The following MUSK variants were observed in gnomAD, a reference collection of about 807,000 sequenced individuals.
MUSK encodes muscle, skeletal receptor tyrosine-protein kinase.
MUSK carries 55 observed loss-of-function variants against 88.7 expected under a neutral mutation model. That is an observed-to-expected ratio of 0.62 (90% CI 0.50 to 0.78). The LOEUF (loss-of-function observed/expected upper bound fraction) is 0.78, where lower values mean the gene tolerates loss of function less well. Ranked by LOEUF, MUSK falls within the 30% of genes least tolerant of loss-of-function variation. MUSK has a pLI of 0.00. For missense variants in MUSK, 1,015 were observed against 1,074.3 expected, an observed-to-expected ratio of 0.94 and a Z score of 0.77; for synonymous variants, 387 against 391.9, an observed-to-expected ratio of 0.99 and a Z score of 0.15.
At chr9:110,786,788 T>G (rs567852506) in intron 13 of MUSK, among the ~76,000 whole-genome samples, 1 of 152,206 alleles carries the variant, frequency 6.6e-6, no homozygotes, top group South Asian at 2.1e-4. Context: ...CCCTTTCTGC[T>G]GCATGGATAT....
chr9:110,689,949 A>T (rs1325130209), intron 3 of MUSK, among the ~76,000 whole-genome samples: 1 of 90,396 alleles, frequency 1.1e-5, no homozygotes, highest in Admixed American at 1.9e-4. Context: ...TATATATTTA[A>T]ATATAAATAT....
intron 3 of MUSK, among the ~76,000 whole-genome samples, chr9:110,689,934 A>AC (rs2076292106): frequency 1.1e-5 from 1 of 95,038 alleles, no homozygotes; most frequent in Non-Finnish European, 1.8e-5. Flanking sequence ...AATATAATAT[A>AC]TAAATATATA....
chr9:110,788,702 A>AC (rs2077918917), intron 14 of MUSK, among the ~76,000 whole-genome samples: 4 of 81,152 alleles, frequency 4.9e-5, no homozygotes, highest in Admixed American at 2.3e-4. Flanking sequence ...GAGACAGATA[A>AC]TAAAAAAAAA....
chr9:110,756,753 C>T (rs1234990187), intron 7 of MUSK, among the ~76,000 whole-genome samples: 2 of 152,082 alleles, frequency 1.3e-5, no homozygotes, highest in African/African-American at 4.8e-5. Flanking sequence ...AGAACCAAAG[C>T]TATTTGTCTG....
At chr9:110,681,001 T>A (rs1387700109) in intron 1 of MUSK, among the ~76,000 whole-genome samples, 1 of 58,616 alleles carries the variant, frequency 1.7e-5, no homozygotes, top group Non-Finnish European at 3.0e-5. Flanking sequence ...TTATAATATA[T>A]TATATTATAT....
chr9:110,755,951 C>CGTATATATATACGTATATATATATATAT (rs1269355799), intron 7 of MUSK, among the ~76,000 whole-genome samples: 45 of 101,786 alleles, frequency 4.4e-4, no homozygotes, highest in Non-Finnish European at 6.9e-4. Flanking sequence ...TATATATATA[C>CGTATATATATACGTATATATATATATAT]ACATATATAT....
intron 7 of MUSK, among the ~76,000 whole-genome samples, chr9:110,754,387 G>C (rs911369044): frequency 6.6e-6 from 1 of 152,158 alleles, no homozygotes; most frequent in Admixed American, 6.5e-5. Flanking sequence ...ACAAATATTG[G>C]TGGGATATTT....
intron 7 of MUSK, chr9:110,762,001 C>T: frequency 1.1e-6 from 1 of 911,472 alleles, no homozygotes; most frequent in Non-Finnish European, 1.3e-6. Flanking sequence ...CCTAAAGATA[C>T]TCAATATTTT....
chr9:110,697,220 T>C, intron 4 of MUSK, 105 bp from the exon 5 acceptor site: 1 of 1,198,114 alleles, frequency 8.3e-7, no homozygotes, highest in Non-Finnish European at 1.2e-6. Flanking sequence ...CAAAGCGATA[T>C]CTTTGATGAT....
intron 5 of MUSK, among the ~76,000 whole-genome samples, chr9:110,713,268 T>C (rs1280574603): frequency 1.3e-5 from 2 of 150,880 alleles, no homozygotes; most frequent in Non-Finnish European, 3.0e-5. Context: ...TTTTCTTTTT[T>C]TTTTTTTTTG....
intron 9 of MUSK, among the ~76,000 whole-genome samples, chr9:110,774,838 GA>G (rs921258306): frequency 6.7e-6 from 1 of 148,642 alleles, no homozygotes; most frequent in African/African-American, 2.5e-5. Context: ...GAATAAGTAT[GA>G]AAAAAGACAC....
At chr9:110,762,333 T>A in intron 8 of MUSK, 125 bp downstream of exon 8, 2 of 608,318 alleles carry the variant, frequency 3.3e-6, no homozygotes, top group Non-Finnish European at 5.0e-6. Flanking sequence ...TATGTTTTGT[T>A]TTTGTTATTT....
At chr9:110,768,635 A>G (rs2077522588) in intron 9 of MUSK, among the ~76,000 whole-genome samples, 1 of 152,226 alleles carries the variant, frequency 6.6e-6, no homozygotes, top group South Asian at 2.1e-4. Flanking sequence ...TATTGTTCAC[A>G]TTATTATCAT....
rs545706854 is a variant in MUSK at position 110,804,794 on chromosome 9, A to G, written c.*3806A>G. ...AATAGACAATAATAAAAATGAAAAAACACCAACCAGAGGTAATTAACATTA... is the reference window on the plus strand; with the variant it reads ...AATAGACAATAATAAAAATGAAAAAGCACCAACCAGAGGTAATTAACATTA... On this transcript the variant is annotated 3_prime_UTR_variant, in exon 15 of 15. Transcript: ENST00000374448. Among the ~76,000 whole-genome samples, 4 of 152,098 alleles carry G rather than the reference A, an allele frequency of 2.6e-5. No homozygotes were observed. The highest frequency in any genetic ancestry group is 9.6e-5 in the African/African-American group (4 of 41,564).
intron 5 of MUSK, among the ~76,000 whole-genome samples, chr9:110,730,465 A>G (rs1010220849): frequency 6.6e-6 from 1 of 152,102 alleles, no homozygotes; most frequent in Non-Finnish European, 1.5e-5. Context: ...CAGATAAAAC[A>G]CAAAATAGGG....
intron 14 of MUSK, among the ~76,000 whole-genome samples, chr9:110,789,444 G>T (rs2077934494): frequency 6.6e-6 from 1 of 152,178 alleles, no homozygotes; most frequent in Non-Finnish European, 1.5e-5. Context: ...TACTCAGAAG[G>T]AACAGGTTCC....
intron 2 of MUSK, among the ~76,000 whole-genome samples, chr9:110,684,427 C>T (rs1167964247): frequency 6.6e-6 from 1 of 151,818 alleles, no homozygotes; most frequent in East Asian, 1.9e-4. Context: ...TGTGATTCCT[C>T]CAGTTTTTTT....
chr9:110,727,248 G>A (rs2076897501), intron 5 of MUSK, among the ~76,000 whole-genome samples: 1 of 151,964 alleles, frequency 6.6e-6, no homozygotes, highest in African/African-American at 2.4e-5. Flanking sequence ...AAGGGGATTG[G>A]GTGTTAAGTG....
intron 5 of MUSK, chr9:110,728,625 T>C (rs1040418735): frequency 1.5e-5 from 16 of 1,040,434 alleles, no homozygotes; most frequent in African/African-American, 7.9e-5. Flanking sequence ...TCCCTTTTCA[T>C]GATGTGTTGT....
Sources: allele counts gnomAD v4.1 joint callset (sites outside exome capture counted in the v4.1 genomes callset), GRCh38; gene constraint gnomAD v4.1.1; transcripts MANE v1.5; gene names NCBI Gene and HGNC (gene_info 2026-07-23, HGNC 2026-07-21).